NLK: variants seen among roughly 807,000 people sequenced by gnomAD.
The protein encoded by NLK is nemo like kinase.
NLK carries 11 observed loss-of-function variants against 59.0 expected under a neutral mutation model. The observed-to-expected ratio is 0.19, with a 90% CI of 0.12 to 0.31. NLK has a LOEUF of 0.31. NLK is among the 10% of genes least tolerant of loss of function. NLK has a pLI of 1.00. For missense variants in NLK, 410 were observed against 661.1 expected, an observed-to-expected ratio of 0.62 and a Z score of 4.16; for synonymous variants, 235 against 235.9, an observed-to-expected ratio of 1.00 and a Z score of 0.03.
At chr17:28,158,216 G>A (rs755190348) in intron 3 of NLK, among the ~76,000 whole-genome samples, 8 of 152,152 alleles carry the variant, frequency 5.3e-5, no homozygotes, top group Non-Finnish European at 8.8e-5. Flanking sequence ...TGTACAACAT[G>A]TTACCGTACT....
chr17:28,152,932 G>A (rs549043645), intron 3 of NLK, among the ~76,000 whole-genome samples: 27 of 151,858 alleles, frequency 1.8e-4, no homozygotes, highest in South Asian at 6.2e-4. Context: ...CCATTGGTAC[G>A]TCAGGATTTT....
chr17:28,192,859 T>A (rs1909357289), intron 10 of NLK, among the ~76,000 whole-genome samples: 1 of 152,148 alleles, frequency 6.6e-6, no homozygotes, highest in African/African-American at 2.4e-5. Flanking sequence ...CCACTACCAT[T>A]CTCACTCCCT....
chr17:28,111,034 C>T (rs1246667110), intron 1 of NLK, among the ~76,000 whole-genome samples: 1 of 151,716 alleles, frequency 6.6e-6, no homozygotes, highest in African/African-American at 2.4e-5. Context: ...TTAGTAGAGA[C>T]GGGGTTTCAC....
chr17:28,192,276 T>C, intron 10 of NLK, 63 bp downstream of exon 10: 1 of 846,786 alleles, frequency 1.2e-6, no homozygotes, highest in Non-Finnish European at 1.9e-6. Flanking sequence ...TGTTACTTCA[T>C]TATTCAGCAT....
At chr17:28,069,475 A>G (rs2142755408) in intron 1 of NLK, among the ~76,000 whole-genome samples, 2 of 152,344 alleles carry the variant, frequency 1.3e-5, no homozygotes, top group South Asian at 4.1e-4. Context: ...CAGTTTTCCA[A>G]AGTGGCTTTA....
chr17:28,190,465 A>T (rs1434111948), intron 8 of NLK, among the ~76,000 whole-genome samples: 1 of 152,120 alleles, frequency 6.6e-6, no homozygotes, highest in East Asian at 1.9e-4. Context: ...CCAGAAAACA[A>T]AAAGCTAGAC....
At chr17:28,095,581 A>G (rs1242444194) in intron 1 of NLK, among the ~76,000 whole-genome samples, 1 of 152,206 alleles carries the variant, frequency 6.6e-6, no homozygotes, top group Non-Finnish European at 1.5e-5. Context: ...CAAGGACTTT[A>G]TTATAAAGCA....
chr17:28,198,123 T>C (rs1011933642), downstream of NLK, among the ~76,000 whole-genome samples: 1 of 152,052 alleles, frequency 6.6e-6, no homozygotes, highest in Non-Finnish European at 1.5e-5. Context: ...CTCCAGGAGG[T>C]ACATGGCACA....
intron 1 of NLK, among the ~76,000 whole-genome samples, chr17:28,094,113 A>C (rs1259272265): frequency 6.6e-6 from 1 of 152,220 alleles, no homozygotes; most frequent in Non-Finnish European, 1.5e-5. Context: ...ATACTTAATA[A>C]CTTGTGGACA....
chr17:28,170,673 A>T (rs1309781981), intron 6 of NLK, among the ~76,000 whole-genome samples: 2 of 152,240 alleles, frequency 1.3e-5, no homozygotes, highest in East Asian at 3.8e-4. Flanking sequence ...CATAAAATGG[A>T]TGTGACTACT....
intron 1 of NLK, among the ~76,000 whole-genome samples, chr17:28,112,803 C>T (rs1905582051): frequency 6.6e-6 from 1 of 152,098 alleles, no homozygotes; most frequent in Non-Finnish European, 1.5e-5. Context: ...GGCTGTAGTC[C>T]TAAATTTGCT....
chr17:28,054,180 G>A (rs1909359317), intron 1 of NLK, among the ~76,000 whole-genome samples: 1 of 152,172 alleles, frequency 6.6e-6, no homozygotes, highest in Non-Finnish European at 1.5e-5. Flanking sequence ...GAAGGGGCTT[G>A]GTTTGGGTTT....
At chr17:28,052,795 G>A (rs1909303582) in intron 1 of NLK, among the ~76,000 whole-genome samples, 1 of 150,682 alleles carries the variant, frequency 6.6e-6, no homozygotes, top group African/African-American at 2.4e-5. Flanking sequence ...GTATCTTCAT[G>A]CTTAGAATAT....
intron 1 of NLK, among the ~76,000 whole-genome samples, chr17:28,067,818 T>C (rs1248518328): frequency 6.6e-6 from 1 of 151,104 alleles, no homozygotes; most frequent in Non-Finnish European, 1.5e-5. Context: ...TGATCCAAAC[T>C]GTAGGTAGAC....
chr17:28,194,548 T>G (rs370065655), intron 10 of NLK, 34 bp from the exon 11 acceptor site: 4 of 1,533,532 alleles, frequency 2.6e-6, no homozygotes, highest in Non-Finnish European at 3.6e-6. Flanking sequence ...ATTGTGACAT[T>G]ACAACTAATT....
intron 3 of NLK, among the ~76,000 whole-genome samples, chr17:28,144,379 T>A (rs1907147472): frequency 6.9e-6 from 1 of 145,068 alleles, no homozygotes; most frequent in Non-Finnish European, 1.5e-5. Context: ...TTGAAACACC[T>A]GTGTTCCAGG....
chr17:28,187,928 A>G (rs1029658936), intron 8 of NLK, among the ~76,000 whole-genome samples: 8 of 152,208 alleles, frequency 5.3e-5, no homozygotes, highest in African/African-American at 1.7e-4. Flanking sequence ...GGCTGAGCAT[A>G]GGGCACAGTG....
At chr17:28,129,815 C>G (rs759195955) in intron 2 of NLK, among the ~76,000 whole-genome samples, 30 of 151,980 alleles carry the variant, frequency 2.0e-4, no homozygotes, top group Non-Finnish European at 2.9e-4. Context: ...TGAGATTATT[C>G]ACAGGAATTA....
intron 1 of NLK, among the ~76,000 whole-genome samples, chr17:28,094,367 C>T (rs1461274581): frequency 6.6e-6 from 1 of 152,212 alleles, no homozygotes; most frequent in Non-Finnish European, 1.5e-5. Flanking sequence ...TTCTCTTTTA[C>T]ACCTTTGAAA....
Sources: gnomAD v4.1 joint callset for allele counts (sites outside exome capture counted in the v4.1 genomes callset) on GRCh38, gnomAD v4.1.1 for gene constraint, MANE v1.5 for transcripts, NCBI Gene and HGNC (gene_info 2026-07-23, HGNC 2026-07-21) for gene names.